The following PLK4 variants were observed in gnomAD, a reference collection of about 807,000 sequenced individuals.
The protein encoded by PLK4 is polo like kinase 4, also known as serine/threonine-protein kinase PLK4.
Under a neutral mutation model 103.0 loss-of-function variants are expected in PLK4, and 51 were observed. The observed-to-expected ratio is 0.50, with a 90% confidence interval of 0.40 to 0.63. The LOEUF is 0.63. Ranked by LOEUF, PLK4 falls within the 20% of genes least tolerant of loss-of-function variation. PLK4 has a pLI of 0.00. For synonymous variants in PLK4, 389 were observed against 376.8 expected, an observed-to-expected ratio of 1.03 and a Z score of -0.38; for missense variants, 1,054 against 1,151.0, an observed-to-expected ratio of 0.92 and a Z score of 1.22.
intron 6 of PLK4, among the ~76,000 whole-genome samples, chr4:127,888,287 T>C (rs1257319516): frequency 1.3e-5 from 2 of 149,358 alleles, no homozygotes; most frequent in African/African-American, 4.9e-5. Flanking sequence ...CTGTCCTTAA[T>C]GTTTAACATA....
rs1735016599 is a variant in PLK4, at chr4:127,883,694, T to C, written c.337+141T>C. The C allele has an allele frequency of 8.3e-6, 4 of 484,346 alleles. No individual in the cohort carries two copies. The East Asian group carries it at 1.2e-4, about 15-fold the overall frequency. The allele number at this position is 484,346 out of a possible 1,614,324, so 30.0% of individuals were successfully genotyped here. A position where few individuals can be genotyped will look rare whatever the true frequency, so the allele number is the denominator to read the frequency against. ...TTACTTTAAGCTAGAAAAGGAGATT[T>C]CCTACATCCCAAGCTGCTAATTCTT... is the stretch of plus-strand genomic sequence containing the variant. On this transcript the variant is annotated intron_variant, in intron 4 of 15. Coordinates refer to ENST00000270861, the MANE Select transcript of PLK4 (RefSeq NM_014264.5).
rs141710661 is a variant in PLK4 at position 127,886,110 on chromosome 4, G to T, written c.740G>T (p.Arg247Leu). 4 of 1,614,044 alleles carry T rather than the reference G, an allele frequency of 2.5e-6. No homozygotes were observed. The highest frequency in any genetic ancestry group is 2.2e-5 in the East Asian group (1 of 44,900). The change falls in exon 5 of 16, where the codon CGT becomes CTT. Residue 247 changes from arginine to leucine, a missense_variant. Transcript: ENST00000270861. ...AAGGACCTTATTCACCAGTTACTTC[G>T]TAGAAATCCAGCAGATCGTTTAAGT... ...EAKDLIHQLL[R>L]RNPADRLSLS...
intron 15 of PLK4, among the ~76,000 whole-genome samples, chr4:127,897,602 A>C (rs1220477971): frequency 6.6e-6 from 1 of 152,142 alleles, no homozygotes; most frequent in Non-Finnish European, 1.5e-5. Context: ...TAGATAATGC[A>C]GTGCCATCAC....
intron 1 of PLK4, chr4:127,881,492 T>C (rs1040495941): frequency 3.1e-6 from 3 of 976,288 alleles, no homozygotes; most frequent in Non-Finnish European, 4.3e-6. Flanking sequence ...GGATGGCGGT[T>C]ATCTCCGGCG....
chr4:127,881,151 GGGAGAAGATCGA>G lies in PLK4; in HGVS notation c.20_30+1del. On this transcript the variant is annotated inframe_deletion and splice_region_variant, in exon 1 of 16. Coordinates refer to ENST00000270861, the MANE Select transcript of PLK4 (RefSeq NM_014264.5). Reference sequence around the variant, plus strand: ...CCTGGAAATATGGCGACCTGCATCGGGGAGAAGATCGAGGTGAAAAGACTCGGCAGTCTGCAG... The same window carrying G: ...CCTGGAAATATGGCGACCTGCATCGGGGTGAAAAGACTCGGCAGTCTGCAG... 1 of 1,614,042 alleles carries G rather than the reference GGGAGAAGATCGA, an allele frequency of 6.2e-7. No individual in the cohort carries two copies. Among genetic ancestry groups the G allele is most frequent in the Non-Finnish European group, 8.5e-7 (1 of 1,180,026 alleles).
At position 127,883,443 on chromosome 4, in the gene PLK4, A is replaced by G. The variant is rs770757366; in HGVS notation, c.227A>G (p.Tyr76Cys). The G allele has an allele frequency of 2.0e-6, 3 of 1,471,882 alleles. No homozygotes were observed. Among genetic ancestry groups the G allele is most frequent in the Non-Finnish European group, 2.8e-6 (3 of 1,053,952 alleles). The allele number at this position is 1,471,882 out of a possible 1,614,324, so 91.2% of individuals were successfully genotyped here. A position where few individuals can be genotyped will look rare whatever the true frequency, so the allele number is the denominator to read the frequency against. The change falls in exon 4 of 16, where the codon TAT (tyrosine) becomes TGT (cysteine). Residue 76 changes from tyrosine (Y) to cysteine (C), a missense_variant. Transcript: ENST00000270861. Reference protein sequence around the residue: ...QLKHPSILELYNYFEDSNYVY... With the variant: ...QLKHPSILELCNYFEDSNYVY... ...TTATGCCCTTTCACATTTCAGCTTT[A>G]TAACTATTTTGAAGATAGCAATTAT...
chr4:127,889,274 G>A (rs949252439), intron 6 of PLK4, among the ~76,000 whole-genome samples: 12 of 152,104 alleles, frequency 7.9e-5, no homozygotes, highest in African/African-American at 2.4e-4. Context: ...TGTTCTGTAT[G>A]TGAACTTTAA....
In PLK4 at chr4:127,892,397, A is replaced by G. The variant is rs775859059; in HGVS notation, c.2071A>G (p.Arg691Gly). 5.1e-6 allele frequency: 8 copies of G among 1,568,826 alleles called. No individual in the cohort carries two copies. The highest frequency in any genetic ancestry group is 2.1e-5 in the Admixed American group (1 of 47,110). Residue 691 changes from arginine (R) to glycine (G), a missense_variant, in exon 10 of 16, where the codon AGG becomes GGG. Arg to Gly is a moderately radical substitution (Grantham distance 125). Transcript: ENST00000270861. ...CTGGCGAAAATATCAATATGCTTCC[A>G]GGTTTGTACAGCTTGTAAGATCTAA... is the stretch of plus-strand genomic sequence containing the variant. ...KYWRKYQYAS[R>G]FVQLVRSKSP...
In PLK4 at chr4:127,886,492, T is replaced by A; in HGVS notation, c.1122T>A (p.Arg374=). 6.2e-7 allele frequency: 1 copy of A among 1,613,966 alleles called. No homozygotes were observed. The highest frequency in any genetic ancestry group is 1.1e-5 in the South Asian group (1 of 91,082). Residue 374 remains arginine (R), a synonymous_variant, in exon 5 of 16, where the codon CGT becomes CGA. Coordinates refer to ENST00000270861, the MANE Select transcript of PLK4 (RefSeq NM_014264.5). ...AAAGGCCACATTCTCGATACCTTCG[T>A]AGAGCTTATTCCTCTGATAGATCTG... ...AEERPHSRYL[R]RAYSSDRSGT...
At position 127,889,980 on chromosome 4, in the gene PLK4, A is replaced by G. The variant is rs1272049955; in HGVS notation, c.1574A>G (p.Lys525Arg). Residue 525 changes from lysine (K) to arginine (R), a missense_variant, in exon 7 of 16, where the codon AAA becomes AGA. Lys to Arg is a conservative substitution (Grantham distance 26, BLOSUM62 2). Coordinates refer to ENST00000270861, the MANE Select transcript of PLK4 (RefSeq NM_014264.5). ...SKNAWTDTKV[K>R]KNSDASDNAH... is the part of the protein sequence containing the mutation. ...AATGCCTGGACTGATACAAAAGTCA[A>G]AAAGAACTCTGATGCTTCTGATAAT... The G allele has an allele frequency of 3.7e-6, 6 of 1,614,162 alleles. No homozygotes were observed. In the South Asian group the frequency reaches 6.6e-5, roughly 18 times the overall value.
chr4:127,891,097 C>A lies in PLK4; in HGVS notation c.1836C>A (p.Ser612Arg). The A allele has an allele frequency of 5.9e-6, 9 of 1,515,770 alleles. No individual in the cohort carries two copies. Among genetic ancestry groups the A allele is most frequent in the African/African-American group, 1.4e-5 (1 of 70,688 alleles). The allele number at this position is 1,515,770 out of a possible 1,614,324, so 93.9% of individuals were successfully genotyped here. A position where few individuals can be genotyped will look rare whatever the true frequency, so the allele number is the denominator to read the frequency against. Residue 612 changes from serine to arginine, a missense_variant, in exon 8 of 16, where the codon AGC becomes AGA. Ser to Arg is a moderately radical substitution (Grantham distance 110). This residue lies in a region of PLK4 where 680 missense variants were observed against 660.3 expected (regional missense o/e 1.03). Transcript: ENST00000270861. Reference sequence around the variant, plus strand: ...TGGGTTTTTTTTTTTTTTAGGTGAGCATACTTGATTCAGAGGAGGTGTGTG... The same window carrying A: ...TGGGTTTTTTTTTTTTTTAGGTGAGAATACTTGATTCAGAGGAGGTGTGTG... ...IRQKTKKAVV[S>R]ILDSEEVCVE... is the part of the protein sequence containing the mutation.
At chr4:127,885,478 CAAA>C (rs397878802) in intron 4 of PLK4, among the ~76,000 whole-genome samples, 2 of 49,786 alleles carry the variant, frequency 4.0e-5, no homozygotes, top group Non-Finnish European at 4.6e-5. Flanking sequence ...GACTCCGTCT[CAAA>C]AAAAAAAAAA....
At chr4:127,897,035 T>C in intron 15 of PLK4, 128 bp downstream of exon 15, 1 of 580,526 alleles carries the variant, frequency 1.7e-6, no homozygotes, top group Non-Finnish European at 3.1e-6. Flanking sequence ...TTCTTTAAAC[T>C]GTTAATTATT....
At chr4:127,898,372 T>C in intron 15 of PLK4, 67 bp from the exon 16 acceptor site, 1 of 744,448 alleles carries the variant, frequency 1.3e-6, no homozygotes, top group Non-Finnish European at 2.4e-6. Context: ...AATGTGCTTT[T>C]TGGGACTCTC....
At chr4:127,889,417 T>C (rs1735265842) in intron 6 of PLK4, among the ~76,000 whole-genome samples, 1 of 152,290 alleles carries the variant, frequency 6.6e-6, no homozygotes, top group South Asian at 2.1e-4. Flanking sequence ...ATATTTTCAT[T>C]AATTGCAGGT....
rs6820138 is a variant in PLK4, at chr4:127,898,523, G to A, written c.2895G>A (p.Pro965=). ...LSSILLMFSN[P]TPNFH is the part of the protein sequence containing the mutation. ...CCATCCTTTTGATGTTTTCTAATCC[G>A]ACTCCTAATTTTCATTGATTAAAAC... Residue 965 remains proline, a synonymous_variant, in exon 16 of 16, where the codon CCG becomes CCA. Coordinates refer to ENST00000270861, the MANE Select transcript of PLK4 (RefSeq NM_014264.5). 888 of 1,521,274 alleles carry A rather than the reference G, an allele frequency of 5.8e-4. 7 individuals carry two copies. In the African/African-American group the frequency reaches 0.011, roughly 18 times the overall value. 94.2% of individuals were successfully genotyped at this position (1,521,274 alleles called of 1,614,324 possible).
At chr4:127,893,206 A>G in intron 10 of PLK4, 79 bp from the exon 11 acceptor site, 1 of 849,524 alleles carries the variant, frequency 1.2e-6, no homozygotes, top group Non-Finnish European at 1.8e-6. Context: ...GCCATTATAT[A>G]CTGGTATGAT....
Position 127,895,053 on chromosome 4 carries a change from T to C in PLK4, c.2663T>C (p.Leu888Ser). ...KDCLPKSAQL[L>S]KSVFVKNVGW... ...TGTCTTCCTAAATCAGCACAACTTTTGAAATCTGTTTTTGTGAAAAATGTT... is the reference window on the plus strand; with the variant it reads ...TGTCTTCCTAAATCAGCACAACTTTCGAAATCTGTTTTTGTGAAAAATGTT... Residue 888 changes from leucine (L) to serine (S), a missense_variant, in exon 14 of 16, where the codon TTG (leucine) becomes TCG (serine). Physicochemically the swap from Leu to Ser is moderately radical, Grantham distance 145. Around this residue, in one of 4 missense-constraint regions of PLK4, gnomAD observed 167 missense variants for 200.7 expected, o/e 0.83. Transcript: ENST00000270861. 6.2e-7 allele frequency: 1 copy of C among 1,612,694 alleles called. No homozygotes were observed. The highest frequency in any genetic ancestry group is 8.5e-7 in the Non-Finnish European group (1 of 1,179,382).
At chr4:127,896,481 C>A (rs933061010) in intron 14 of PLK4, among the ~76,000 whole-genome samples, 2 of 151,874 alleles carry the variant, frequency 1.3e-5, no homozygotes, top group Non-Finnish European at 2.9e-5. Context: ...GGGAAAAAAA[C>A]CAACAACCAA....
Sources: allele counts gnomAD v4.1 joint callset (sites outside exome capture counted in the v4.1 genomes callset), GRCh38; gene constraint gnomAD v4.1.1; regional missense constraint gnomAD v4.1.1; transcripts MANE v1.5; gene names NCBI Gene and HGNC (gene_info 2026-07-23, HGNC 2026-07-21).